The following STMP1 variants were observed in gnomAD, a reference collection of about 807,000 sequenced individuals.
STMP1 encodes the protein short transmembrane mitochondrial protein 1, also known as mitolamban.
Under a neutral mutation model 7.0 loss-of-function variants are expected in STMP1, and 7 were observed. The ratio of observed to expected loss-of-function variants is 1.01; its 90% confidence interval spans 0.57 to 1.89. The LOEUF (loss-of-function observed/expected upper bound fraction) is 1.89. Ranked by LOEUF, STMP1 falls within the 40% of genes most tolerant of loss-of-function variation. STMP1 has a pLI of 0.00. For synonymous variants in STMP1, 19 were observed against 18.4 expected, an observed-to-expected ratio of 1.03 and a Z score of -0.08; for missense variants, 45 against 53.0, an observed-to-expected ratio of 0.85 and a Z score of 0.47.
At chr7:135,667,237 G>A (rs1207875215) in intron 1 of STMP1, among the ~76,000 whole-genome samples, 2 of 152,160 alleles carry the variant, frequency 1.3e-5, no homozygotes, top group Admixed American at 1.3e-4. Flanking sequence ...TTGAGACGGA[G>A]TCTCGCTTTG....
chr7:135,669,659 C>T (rs1311209011), intron 1 of STMP1, among the ~76,000 whole-genome samples: 1 of 152,144 alleles, frequency 6.6e-6, no homozygotes, highest in Non-Finnish European at 1.5e-5. Flanking sequence ...GTACTTAACA[C>T]CCCCAGCAGC....
At chr7:135,672,903 A>G in intron 2 of STMP1, 97 bp downstream of exon 2, 1 of 994,030 alleles carries the variant, frequency 1.0e-6, no homozygotes, top group Admixed American at 2.1e-5. Flanking sequence ...GCATAAATGT[A>G]GTCCATATGG....
In STMP1 at chr7:135,668,874, G is replaced by A. The variant is rs117545908; in HGVS notation, c.16-3879G>A. Among the ~76,000 whole-genome samples, 798 of 152,082 alleles carry A rather than the reference G, an allele frequency of 5.2e-3. 5 individuals carry two copies. Among genetic ancestry groups the A allele is most frequent in the Non-Finnish European group, 7.3e-3 (498 of 68,020 alleles). On this transcript the variant is annotated intron_variant, in intron 1 of 2. Transcript: ENST00000507606. ...TGATTTTCCACATTCAGTTTTCTTC[G>A]CATTTCCTTTACCAGTTGTATTAGT...
rs1224433032 is a variant in STMP1, at chr7:135,675,574, T to C, written c.*1409T>C. On this transcript the variant is annotated 3_prime_UTR_variant, in exon 3 of 3. Coordinates refer to ENST00000507606, the MANE Select transcript of STMP1 (RefSeq NM_001130929.2). ...TTATTAAGCATATCGATTCAGGGTATAGCTATAAGATGAAGTCCTAAAAGT... is the reference window on the plus strand; with the variant it reads ...TTATTAAGCATATCGATTCAGGGTACAGCTATAAGATGAAGTCCTAAAAGT... 2.0e-5 allele frequency: 3 copies of C among 152,214 alleles called. No homozygotes were observed. 9.4% of individuals were successfully genotyped at this position (152,214 alleles called of 1,614,324 possible).
rs1410228210 is a variant in STMP1, at chr7:135,674,352, C to T, written c.*187C>T. 3.6e-6 allele frequency: 2 copies of T among 548,332 alleles called. No individual in the cohort carries two copies. The highest frequency in any genetic ancestry group is 6.5e-6 in the Non-Finnish European group (2 of 307,064). The allele number at this position is 548,332 out of a possible 1,614,324, so 34.0% of individuals were successfully genotyped here. On this transcript the variant is annotated 3_prime_UTR_variant, in exon 3 of 3. Coordinates refer to ENST00000507606, the MANE Select transcript of STMP1 (RefSeq NM_001130929.2). ...CAATTTGAGAACTACCCGACATTTC[C>T]AACATACTCACCTCTTCCCATAATC... is the stretch of plus-strand genomic sequence containing the variant.
In STMP1 at chr7:135,674,074, C is replaced by G. The variant is rs1467521892; in HGVS notation, c.70-17C>G. 7 of 1,521,328 alleles carry G rather than the reference C, an allele frequency of 4.6e-6. No individual in the cohort carries two copies. The highest frequency in any genetic ancestry group is 4.9e-5 in the East Asian group (2 of 40,796). 94.2% of individuals were successfully genotyped at this position (1,521,328 alleles called of 1,614,324 possible). On this transcript the variant is annotated splice_polypyrimidine_tract_variant and intron_variant, in intron 2 of 2. Transcript: ENST00000507606. ...TAGGTAGATGCAAAATTATAATAACCTTTTTTCTCTTCAAAGATACCAAAC... is the reference window on the plus strand; with the variant it reads ...TAGGTAGATGCAAAATTATAATAACGTTTTTTCTCTTCAAAGATACCAAAC...
At chr7:135,663,505 C>T (rs1216187511) in intron 1 of STMP1, among the ~76,000 whole-genome samples, 1 of 151,862 alleles carries the variant, frequency 6.6e-6, no homozygotes, top group Non-Finnish European at 1.5e-5. Flanking sequence ...CCAGGATGCT[C>T]AGCTAATTTT....
At chr7:135,672,499 G>A (rs76673274) in intron 1 of STMP1, among the ~76,000 whole-genome samples, 5,453 of 152,054 alleles carry the variant, frequency 0.036, 185 homozygotes, top group African/African-American at 0.088. Context: ...CTTTTTTGTT[G>A]TTTTATTTTT....
intron 1 of STMP1, among the ~76,000 whole-genome samples, chr7:135,665,944 C>G (rs931762847): frequency 2.0e-5 from 3 of 151,744 alleles, no homozygotes; most frequent in African/African-American, 7.3e-5. Context: ...CTCTGTCACC[C>G]AGGCTGGAGT....
At chr7:135,665,542 T>C (rs1309931075) in intron 1 of STMP1, 1 of 151,786 alleles carries the variant, frequency 6.6e-6, no homozygotes, top group Non-Finnish European at 1.5e-5. Flanking sequence ...CCCACCTCAG[T>C]CTCTCAAAGT....
At chr7:135,671,718 G>T (rs560279516) in intron 1 of STMP1, among the ~76,000 whole-genome samples, 1 of 152,274 alleles carries the variant, frequency 6.6e-6, no homozygotes, top group South Asian at 2.1e-4. Flanking sequence ...TAAATGTCCT[G>T]CCTGTTAGAC....
intron 1 of STMP1, 51 bp from the exon 2 acceptor site, chr7:135,672,702 C>A: frequency 1.5e-6 from 2 of 1,363,934 alleles, no homozygotes; most frequent in Non-Finnish European, 2.0e-6. Flanking sequence ...TGGAATCAGA[C>A]TGGCACAGGA....
intron 1 of STMP1, 76 bp from the exon 2 acceptor site, chr7:135,672,677 C>G (rs1795368913): frequency 9.6e-7 from 1 of 1,045,668 alleles, no homozygotes; most frequent in Non-Finnish European, 1.5e-6. Flanking sequence ...AAGATATTGT[C>G]TATGTATTTT....
chr7:135,664,473 C>G (rs1795270910), intron 1 of STMP1, among the ~76,000 whole-genome samples: 1 of 151,064 alleles, frequency 6.6e-6, no homozygotes, highest in Non-Finnish European at 1.5e-5. Flanking sequence ...ACCTCAGCCT[C>G]TTTAGTAGTA....
intron 1 of STMP1, among the ~76,000 whole-genome samples, chr7:135,665,298 T>A (rs940046592): frequency 2.0e-5 from 3 of 152,220 alleles, no homozygotes; most frequent in Non-Finnish European, 4.4e-5. Flanking sequence ...TGTGGACAGT[T>A]TGAAAACCAC....
At chr7:135,671,217 T>G (rs765720412) in intron 1 of STMP1, among the ~76,000 whole-genome samples, 6 of 152,192 alleles carry the variant, frequency 3.9e-5, no homozygotes, top group Non-Finnish European at 7.3e-5. Flanking sequence ...GATAGACTCT[T>G]CTATGATTTT....
At chr7:135,663,957 C>G (rs1191716158) in intron 1 of STMP1, among the ~76,000 whole-genome samples, 2 of 152,350 alleles carry the variant, frequency 1.3e-5, no homozygotes, top group Admixed American at 1.3e-4. Flanking sequence ...AATGCTGTAT[C>G]TTTATCAAAG....
In STMP1 at chr7:135,674,354, A is replaced by G. The variant is rs11538324; in HGVS notation, c.*189A>G. The G allele has an allele frequency of 0.034, 18,379 of 545,256 alleles. 393 individuals are homozygous for G. The highest frequency in any genetic ancestry group is 0.067 in the Middle Eastern group (135 of 2,026). 33.8% of individuals were successfully genotyped at this position (545,256 alleles called of 1,614,324 possible). A position where few individuals can be genotyped will look rare whatever the true frequency, so the allele number is the denominator to read the frequency against. Reference sequence around the variant, plus strand: ...ATTTGAGAACTACCCGACATTTCCAACATACTCACCTCTTCCCATAATCCC... The same window carrying G: ...ATTTGAGAACTACCCGACATTTCCAGCATACTCACCTCTTCCCATAATCCC... On this transcript the variant is annotated 3_prime_UTR_variant, in exon 3 of 3. Transcript: ENST00000507606.
rs551818629 is a variant in STMP1 at position 135,672,512 on chromosome 7, C to T, written c.16-241C>T. ...TTCTTTTTTGTTGTTTTATTTTTTTCTTATGTTTGGTTGGTGTCACCATTT... is the reference window on the plus strand; with the variant it reads ...TTCTTTTTTGTTGTTTTATTTTTTTTTTATGTTTGGTTGGTGTCACCATTT... On this transcript the variant is annotated intron_variant, in intron 1 of 2. Transcript: ENST00000507606. Among the ~76,000 whole-genome samples, 398 of 151,824 alleles carry T rather than the reference C, an allele frequency of 2.6e-3. 2 individuals carry two copies. The highest frequency in any genetic ancestry group is 9.0e-3 in the African/African-American group (372 of 41,404).
Sources: allele counts gnomAD v4.1 joint callset (sites outside exome capture counted in the v4.1 genomes callset), GRCh38; gene constraint gnomAD v4.1.1; transcripts MANE v1.5; gene names NCBI Gene and HGNC (gene_info 2026-07-23, HGNC 2026-07-21).